SCCPDH: variants seen among roughly 807,000 people sequenced by gnomAD.
SCCPDH encodes the protein saccharopine dehydrogenase (putative).
Under a neutral mutation model 51.5 loss-of-function variants are expected in SCCPDH, and 34 were observed. The observed-to-expected ratio is 0.66, with a 90% CI of 0.50 to 0.88. The LOEUF is 0.88. Among genes scored for constraint, SCCPDH ranks in the 40% least tolerant of loss-of-function variants. The pLI is 0.00. For missense variants in SCCPDH, 464 were observed against 527.1 expected (o/e 0.88, Z 1.17); for synonymous variants, 187 against 191.3 (o/e 0.98, Z 0.19).
chr1:246,753,067 C>T (rs1668878554), intron 5 of SCCPDH, among the ~76,000 whole-genome samples: 1 of 151,722 alleles, frequency 6.6e-6, no homozygotes, highest in Non-Finnish European at 1.5e-5. Flanking sequence ...CTCTCTCTCT[C>T]TTTCTCTCTC....
chr1:246,738,483 C>T (rs918471037), intron 3 of SCCPDH, among the ~76,000 whole-genome samples: 10 of 151,728 alleles, frequency 6.6e-5, no homozygotes, highest in Non-Finnish European at 1.2e-4. Flanking sequence ...TGCACTCCAG[C>T]CTGGCGACAG....
intron 2 of SCCPDH, among the ~76,000 whole-genome samples, chr1:246,732,907 A>C (rs765978276): frequency 2.6e-5 from 4 of 152,162 alleles, no homozygotes; most frequent in Non-Finnish European, 5.9e-5. Flanking sequence ...CCAGGGTCAC[A>C]CAGCTAGTGG....
In SCCPDH at chr1:246,726,895, G is replaced by A; in HGVS notation, c.194G>A (p.Arg65Lys). 1 of 1,608,806 alleles carries A rather than the reference G, an allele frequency of 6.2e-7. No homozygotes were observed. Among genetic ancestry groups the A allele is most frequent in the Non-Finnish European group, 8.5e-7 (1 of 1,175,250 alleles). ...VLEKAALKLGRPTLSSEVGII... is the reference protein window; with the variant it reads ...VLEKAALKLGKPTLSSEVGII... ...CTTCATTTGTTTCTTATTTTAGGAA[G>A]ACCAACACTGTCATCTGAAGTTGGA... The change falls in exon 2 of 12, where the codon AGA becomes AAA. Residue 65 changes from arginine to lysine, a missense_variant. Physicochemically the swap from Arg to Lys is conservative, Grantham distance 26. Coordinates refer to ENST00000366510, the MANE Select transcript of SCCPDH (RefSeq NM_016002.3).
At chr1:246,725,466 C>G (rs1668381844) in intron 1 of SCCPDH, among the ~76,000 whole-genome samples, 1 of 150,530 alleles carries the variant, frequency 6.6e-6, no homozygotes, top group South Asian at 2.1e-4. Flanking sequence ...GACTCCGTAG[C>G]CTTTAAATTT....
At chr1:246,752,608 G>A (rs918791003) in intron 5 of SCCPDH, among the ~76,000 whole-genome samples, 1 of 151,944 alleles carries the variant, frequency 6.6e-6, no homozygotes, top group African/African-American at 2.4e-5. Context: ...ACTTCCCCAG[G>A]GGTTTTTAAT....
intron 4 of SCCPDH, among the ~76,000 whole-genome samples, chr1:246,742,257 CTG>C (rs922644989): frequency 6.6e-6 from 1 of 152,206 alleles, no homozygotes; most frequent in African/African-American, 2.4e-5. Context: ...GCTTTAACGT[CTG>C]TGAAGTTTAG....
chr1:246,752,075 C>T (rs939223669), intron 5 of SCCPDH, among the ~76,000 whole-genome samples: 8 of 152,158 alleles, frequency 5.3e-5, no homozygotes, highest in East Asian at 1.9e-4. Flanking sequence ...CCACCGCGCC[C>T]GGCTAATTCT....
intron 1 of SCCPDH, among the ~76,000 whole-genome samples, chr1:246,726,230 G>C (rs1668398350): frequency 6.6e-6 from 1 of 152,054 alleles, no homozygotes; most frequent in Admixed American, 6.6e-5. Flanking sequence ...ATTGTTTAGT[G>C]GTTGATGAGA....
At chr1:246,740,704 C>G (rs1668663034) in intron 4 of SCCPDH, among the ~76,000 whole-genome samples, 3 of 152,150 alleles carry the variant, frequency 2.0e-5, no homozygotes, top group African/African-American at 7.2e-5. Context: ...ATTGGAGACA[C>G]TTATTTAAGA....
chr1:246,727,203 G>A (rs567277379), intron 2 of SCCPDH, among the ~76,000 whole-genome samples, 199 bp downstream of exon 2: 2 of 152,298 alleles, frequency 1.3e-5, no homozygotes, highest in African/African-American at 2.4e-5. Flanking sequence ...TCTCCATGAC[G>A]TTCTCCTTAG....
chr1:246,724,821 AATATACACACAC>A (rs1409746166), intron 1 of SCCPDH, among the ~76,000 whole-genome samples: 1 of 152,196 alleles, frequency 6.6e-6, no homozygotes, highest in Non-Finnish European at 1.5e-5. Flanking sequence ...GTGCGTGTAT[AATATACACACAC>A]ATTTTTTTTT....
chr1:246,764,968 A>T lies in SCCPDH; in HGVS notation c.1102+611A>T, dbSNP rs1374231298. ...TCAGAGACAGACAGGTCCACTTGTGAACTGTAGTATAATTACTGTCAGAGA... is the reference window on the plus strand; with the variant it reads ...TCAGAGACAGACAGGTCCACTTGTGTACTGTAGTATAATTACTGTCAGAGA... On this transcript the variant is annotated intron_variant, in intron 10 of 11. Transcript: ENST00000366510. Among the ~76,000 whole-genome samples, 9 of 149,764 alleles carry T rather than the reference A, an allele frequency of 6.0e-5. No individual in the cohort carries two copies. The East Asian group carries it at 1.6e-3, about 26-fold the overall frequency.
rs1404975203 is a variant in SCCPDH, at chr1:246,764,297, G to T, written c.1042G>T (p.Gly348Cys). Reference sequence around the variant, plus strand: ...ATTCTTTGGTCAAGGATACAGCCAAGGCACTGGTACAGATAAGAACAAACC... The same window carrying T: ...ATTCTTTGGTCAAGGATACAGCCAATGCACTGGTACAGATAAGAACAAACC... The part of the protein sequence containing the change: ...LTFFGQGYSQ[G>C]TGTDKNKPNI... Residue 348 changes from glycine to cysteine, a missense_variant, in exon 10 of 12, where the codon GGC (glycine) becomes TGC (cysteine). Physicochemically the swap from Gly to Cys is radical, Grantham distance 159. Transcript: ENST00000366510. 1 of 1,613,812 alleles carries T rather than the reference G, an allele frequency of 6.2e-7. No individual in the cohort carries two copies. Among genetic ancestry groups the T allele is most frequent in the Non-Finnish European group, 8.5e-7 (1 of 1,179,932 alleles).
In SCCPDH at chr1:246,724,417, C is replaced by T. The variant is rs1040181673; in HGVS notation, c.-6C>T. 6.4e-7 allele frequency: 1 copy of T among 1,560,396 alleles called. No homozygotes were observed. Among genetic ancestry groups the T allele is most frequent in the South Asian group, 1.2e-5 (1 of 84,792 alleles). ...CCCCGGGGCCTGGGCTCGCTGTGGA[C>T]TCGTCATGGCGACCGAGCAGAGGCC... On this transcript the variant is annotated 5_prime_UTR_variant, in exon 1 of 12. Transcript: ENST00000366510.
chr1:246,758,498 A>G lies in SCCPDH; in HGVS notation c.695+142A>G, dbSNP rs1668964040. ...AGAATTGTTTTCACAGATAAATAAG[A>G]TATAATTAATCCATTACCATATGCT... On this transcript the variant is annotated intron_variant, in intron 6 of 11. Coordinates refer to ENST00000366510, the MANE Select transcript of SCCPDH (RefSeq NM_016002.3). 12 of 551,782 alleles carry G rather than the reference A, an allele frequency of 2.2e-5. No individual in the cohort carries two copies. In the South Asian group the frequency reaches 3.9e-4, roughly 18 times the overall value. 34.2% of individuals were successfully genotyped at this position (551,782 alleles called of 1,614,324 possible).
At chr1:246,729,526 C>T (rs180883943) in intron 2 of SCCPDH, among the ~76,000 whole-genome samples, 76 of 152,306 alleles carry the variant, frequency 5.0e-4, no homozygotes, top group African/African-American at 1.6e-3. Flanking sequence ...TGCCCAGTCG[C>T]GCAGGCAGTC....
rs2102991647 is a variant in SCCPDH, at chr1:246,764,363, T to C, written c.1102+6T>C. On this transcript the variant is annotated splice_donor_region_variant and intron_variant, in intron 10 of 11. Coordinates refer to ENST00000366510, the MANE Select transcript of SCCPDH (RefSeq NM_016002.3). ...TACTCAGGTGAAAGGACCAGGTATT[T>C]CACATATCACTTAAGAATGCTTGGG... 1 of 1,510,984 alleles carries C rather than the reference T, an allele frequency of 6.6e-7. No homozygotes were observed. The allele number at this position is 1,510,984 out of a possible 1,614,324, so 93.6% of individuals were successfully genotyped here. A position where few individuals can be genotyped will look rare whatever the true frequency, so the allele number is the denominator to read the frequency against.
At position 246,727,441 on chromosome 1, in the gene SCCPDH, A is replaced by G. The variant is rs751765383; in HGVS notation, c.303+437A>G. ...ATAAATATTTATTGATGCTTACCACATGTGAAATGCACTATTGTAGGCACC... is the reference window on the plus strand; with the variant it reads ...ATAAATATTTATTGATGCTTACCACGTGTGAAATGCACTATTGTAGGCACC... On this transcript the variant is annotated intron_variant, in intron 2 of 11. Transcript: ENST00000366510. 5.3e-5 allele frequency among the ~76,000 whole-genome samples: 8 copies of G among 152,354 alleles called. No individual in the cohort carries two copies. In the East Asian group the frequency reaches 1.3e-3, roughly 26 times the overall value.
At chr1:246,730,371 C>T (rs956291432) in intron 2 of SCCPDH, among the ~76,000 whole-genome samples, 2 of 152,350 alleles carry the variant, frequency 1.3e-5, no homozygotes, top group African/African-American at 2.4e-5. Context: ...TGGAAGTCCT[C>T]GTCTCCTCCA....
Sources: allele counts gnomAD v4.1 joint callset (sites outside exome capture counted in the v4.1 genomes callset), GRCh38; gene constraint gnomAD v4.1.1; transcripts MANE v1.5; gene names NCBI Gene and HGNC (gene_info 2026-07-23, HGNC 2026-07-21).